The following KIAA0825 variants were observed in gnomAD, a reference collection of about 807,000 sequenced individuals.
KIAA0825 encodes uncharacterized protein KIAA0825.
Under a neutral mutation model 147.6 loss-of-function variants are expected in KIAA0825, and 119 were observed. The ratio of observed to expected loss-of-function variants is 0.81; its 90% CI spans 0.69 to 0.94. The LOEUF is 0.94. Among genes scored for constraint, KIAA0825 ranks in the 40% least tolerant of loss-of-function variants. The pLI, the probability that KIAA0825 is intolerant of heterozygous loss-of-function variation, is 0.00. For synonymous variants in KIAA0825, 470 were observed against 518.1 expected (o/e 0.91, Z 1.26); for missense variants, 1,381 against 1,472.7 (o/e 0.94, Z 1.02).
chr5:94,587,797 A>T (rs1783593349), intron 1 of KIAA0825, among the ~76,000 whole-genome samples: 2 of 152,314 alleles, frequency 1.3e-5, no homozygotes, highest in Non-Finnish European at 2.9e-5. Context: ...TTCAAACTAC[A>T]CTAGAAGGCT....
intron 19 of KIAA0825, among the ~76,000 whole-genome samples, chr5:94,385,239 T>C (rs1748977182): frequency 6.6e-6 from 1 of 152,134 alleles, no homozygotes; most frequent in African/African-American, 2.4e-5. Flanking sequence ...TAAAATGAAA[T>C]AGTTTTGAAA....
chr5:94,483,445 AAT>A lies in KIAA0825; in HGVS notation c.1132+1322_1132+1323del, dbSNP rs1486800834. ...TCCAATGTCAACTGTTCCAGGAACCAATATGTCAGTCAATAATTAGGATATCA... is the reference window on the plus strand; with the variant it reads ...TCCAATGTCAACTGTTCCAGGAACCAATGTCAGTCAATAATTAGGATATCA... On this transcript the variant is annotated intron_variant, in intron 6 of 20. Transcript: ENST00000682413. Among the ~76,000 whole-genome samples, 24 of 151,920 alleles carry A rather than the reference AAT, an allele frequency of 1.6e-4. 1 individual carries two copies. Among genetic ancestry groups the A allele is most frequent in the Admixed American group, 1.6e-3 (24 of 15,244 alleles).
intron 12 of KIAA0825, among the ~76,000 whole-genome samples, chr5:94,455,217 A>T (rs1758949797): frequency 6.6e-6 from 1 of 152,156 alleles, no homozygotes; most frequent in Non-Finnish European, 1.5e-5. Context: ...GGAACGTAAG[A>T]TGTAAAGATC....
At chr5:94,425,540 A>T (rs1379537133) in intron 14 of KIAA0825, among the ~76,000 whole-genome samples, 1 of 152,112 alleles carries the variant, frequency 6.6e-6, no homozygotes, top group Non-Finnish European at 1.5e-5. Flanking sequence ...GGCATTCAAG[A>T]CCAGACTGGG....
chr5:94,362,060 C>T (rs1303514219), intron 20 of KIAA0825, among the ~76,000 whole-genome samples: 4 of 152,192 alleles, frequency 2.6e-5, no homozygotes, highest in African/African-American at 4.8e-5. Flanking sequence ...CCATCAATCA[C>T]GCACCAAGAG....
intron 20 of KIAA0825, among the ~76,000 whole-genome samples, chr5:94,358,579 C>T (rs1177199931): frequency 6.6e-6 from 1 of 152,178 alleles, no homozygotes; most frequent in African/African-American, 2.4e-5. Flanking sequence ...CCTCTACATA[C>T]ATGGGGCAAA....
At chr5:94,539,819 G>C (rs891704888) in intron 2 of KIAA0825, among the ~76,000 whole-genome samples, 22 of 152,220 alleles carry the variant, frequency 1.4e-4, no homozygotes, top group Middle Eastern at 3.4e-3. Flanking sequence ...GCCCCTCTCG[G>C]TAAAGTCCCT....
intron 1 of KIAA0825, among the ~76,000 whole-genome samples, chr5:94,612,966 A>C (rs892896376): frequency 3.9e-5 from 6 of 152,244 alleles, no homozygotes; most frequent in Admixed American, 1.3e-4. Context: ...ATTACTTTAC[A>C]GATGAAGAAA....
At chr5:94,513,659 T>C (rs1019415566) in intron 5 of KIAA0825, among the ~76,000 whole-genome samples, 7 of 151,550 alleles carry the variant, frequency 4.6e-5, no homozygotes, top group Non-Finnish European at 7.4e-5. Flanking sequence ...GAAAATAGAG[T>C]CCATGCAGCA....
chr5:94,260,916 G>T (rs560530256), intron 20 of KIAA0825, among the ~76,000 whole-genome samples: 2 of 152,234 alleles, frequency 1.3e-5, no homozygotes, highest in South Asian at 4.1e-4. Flanking sequence ...TAATTAAAAT[G>T]TTATATTTTT....
intron 1 of KIAA0825, among the ~76,000 whole-genome samples, chr5:94,605,274 T>C (rs1787287594): frequency 6.6e-6 from 1 of 152,056 alleles, no homozygotes. Context: ...CAGTAATAAA[T>C]AGCTTACCAA....
intron 20 of KIAA0825, among the ~76,000 whole-genome samples, chr5:94,193,029 T>G (rs1770816971): frequency 6.6e-6 from 1 of 152,208 alleles, no homozygotes; most frequent in African/African-American, 2.4e-5. Flanking sequence ...TTAAAATGGT[T>G]TCTATAATAC....
chr5:94,567,141 A>G (rs1056308646), intron 2 of KIAA0825, among the ~76,000 whole-genome samples: 1 of 152,178 alleles, frequency 6.6e-6, no homozygotes, highest in Non-Finnish European at 1.5e-5. Context: ...TCACAATTAA[A>G]TCTTGCATGT....
At chr5:94,261,364 TTTCCATAATG>T (rs1383389479) in intron 20 of KIAA0825, among the ~76,000 whole-genome samples, 5 of 152,108 alleles carry the variant, frequency 3.3e-5, no homozygotes, top group African/African-American at 1.2e-4. Flanking sequence ...ACGTGTAATC[TTTCCATAATG>T]TTATTGACTG....
chr5:94,484,857 G>C lies in KIAA0825; in HGVS notation c.1044C>G (p.Leu348=). The change falls in exon 6 of 21, where the codon CTC becomes CTG. Residue 348 remains leucine, a synonymous_variant. Transcript: ENST00000682413. ...PLDKVEFLSQ[L]IKSFMKLEKG... is the part of the protein sequence containing the mutation. ...TTTCCAGTTTCATAAAGGATTTTATGAGCTGCGATAAGAATTCGACTTTGT... is the reference window on the plus strand; with the variant it reads ...TTTCCAGTTTCATAAAGGATTTTATCAGCTGCGATAAGAATTCGACTTTGT... The C allele has an allele frequency of 6.5e-7, 1 of 1,539,216 alleles. No homozygotes were observed. Among genetic ancestry groups the C allele is most frequent in the Non-Finnish European group, 8.8e-7 (1 of 1,138,400 alleles).
At chr5:94,216,600 C>T (rs1583877876) in intron 20 of KIAA0825, among the ~76,000 whole-genome samples, 1 of 152,258 alleles carries the variant, frequency 6.6e-6, no homozygotes, top group East Asian at 1.9e-4. Flanking sequence ...CTTGGTCTAT[C>T]CTGAACAGGT....
chr5:94,331,104 C>T (rs1477215010), intron 20 of KIAA0825, among the ~76,000 whole-genome samples: 1 of 148,962 alleles, frequency 6.7e-6, no homozygotes, highest in East Asian at 2.0e-4. Context: ...CACTGCATTC[C>T]AGTCTGGGCA....
intron 2 of KIAA0825, among the ~76,000 whole-genome samples, chr5:94,541,483 A>G (rs1294209291): frequency 1.3e-5 from 2 of 152,252 alleles, no homozygotes; most frequent in Non-Finnish European, 2.9e-5. Context: ...TAAGTTAGAT[A>G]AAATAAGGCT....
intron 20 of KIAA0825, among the ~76,000 whole-genome samples, chr5:94,242,424 G>T (rs1775393175): frequency 6.6e-6 from 1 of 152,034 alleles, no homozygotes; most frequent in Non-Finnish European, 1.5e-5. Flanking sequence ...TAACGTGAGT[G>T]GTCTCTCTGC....
Sources: gnomAD v4.1 joint callset for allele counts (sites outside exome capture counted in the v4.1 genomes callset) on GRCh38, gnomAD v4.1.1 for gene constraint, MANE v1.5 for transcripts, NCBI Gene and HGNC (gene_info 2026-07-23, HGNC 2026-07-21) for gene names.